CD38: variants seen among roughly 807,000 people sequenced by gnomAD.
CD38 encodes CD38 molecule.
Under a neutral mutation model 36.3 loss-of-function variants are expected in CD38, and 31 were observed. The observed-to-expected ratio is 0.85, with a 90% CI of 0.64 to 1.15. The LOEUF (loss-of-function observed/expected upper bound fraction) is 1.15, where lower values mean the gene tolerates loss of function less well. Among genes scored for constraint, CD38 ranks in the 50% most tolerant of loss-of-function variants. CD38 has a pLI of 0.00. For synonymous variants in CD38, 131 were observed against 135.2 expected, an observed-to-expected ratio of 0.97 and a Z score of 0.22; for missense variants, 380 against 371.9, an observed-to-expected ratio of 1.02 and a Z score of -0.18.
chr4:15,840,465 G>C lies in CD38; in HGVS notation c.766G>C (p.Asp256His), dbSNP rs768378089. Residue 256 changes from aspartate to histidine, a missense_variant, in exon 7 of 8, where the codon GAT (aspartate) becomes CAT (histidine). By Grantham distance (81) the Asp-to-His change is moderately conservative. Coordinates refer to ENST00000226279, the MANE Select transcript of CD38 (RefSeq NM_001775.4). ...GREDSRDLCQ[D>H]PTIKELESII... ...TTTCTTCCCCAGAGACTTATGCCAG[G>C]ATCCCACCATAAAAGAGCTGGAATC... is the stretch of plus-strand genomic sequence containing the variant. The C allele has an allele frequency of 1.2e-6, 2 of 1,601,100 alleles. No homozygotes were observed. The highest frequency in any genetic ancestry group is 4.5e-5 in the East Asian group (2 of 44,784).
At chr4:15,808,392 C>G (rs1723390129) in intron 1 of CD38, among the ~76,000 whole-genome samples, 1 of 152,178 alleles carries the variant, frequency 6.6e-6, no homozygotes. Flanking sequence ...CAGGTGACCA[C>G]CAAGGGTGCT....
At chr4:15,791,587 G>GC (rs1162620642) in intron 1 of CD38, among the ~76,000 whole-genome samples, 1 of 65,196 alleles carries the variant, frequency 1.5e-5, no homozygotes, top group Non-Finnish European at 3.0e-5. Flanking sequence ...GGGGGGGTCA[G>GC]CCCCCCGCCC....
At chr4:15,785,975 C>A (rs906396528) in intron 1 of CD38, among the ~76,000 whole-genome samples, 1 of 152,156 alleles carries the variant, frequency 6.6e-6, no homozygotes, top group African/African-American at 2.4e-5. Context: ...GTGAGTGTTA[C>A]AGCTCTTAAG....
intron 1 of CD38, among the ~76,000 whole-genome samples, chr4:15,800,758 T>C (rs1723203188): frequency 6.6e-6 from 1 of 152,046 alleles, no homozygotes; most frequent in Admixed American, 6.6e-5. Context: ...TAAAAATTGA[T>C]ACACAACATA....
intron 1 of CD38, among the ~76,000 whole-genome samples, chr4:15,783,501 G>A (rs1441601774): frequency 2.0e-5 from 3 of 152,186 alleles, no homozygotes; most frequent in African/African-American, 4.8e-5. Flanking sequence ...CCCAAGACAA[G>A]GTGGGGGCCC....
chr4:15,786,999 G>A lies in CD38; in HGVS notation c.233+8352G>A, dbSNP rs141123631. 4.6e-3 allele frequency among the ~76,000 whole-genome samples: 702 copies of A among 152,278 alleles called. 7 individuals carry two copies. Among genetic ancestry groups the A allele is most frequent in the African/African-American group, 0.016 (670 of 41,502 alleles). On this transcript the variant is annotated intron_variant, in intron 1 of 7. Coordinates refer to ENST00000226279, the MANE Select transcript of CD38 (RefSeq NM_001775.4). ...CTGGGTGCTAAGCCCTTCACTGTCC[G>A]GGGCCTGCTGCGCTCGCCGGCCGCT... is the stretch of plus-strand genomic sequence containing the variant.
At chr4:15,829,125 A>C (rs745578981) in intron 3 of CD38, among the ~76,000 whole-genome samples, 12 of 152,074 alleles carry the variant, frequency 7.9e-5, no homozygotes, top group Non-Finnish European at 1.6e-4. Context: ...TCTTTTGAAA[A>C]ATGTCTATTC....
intron 2 of CD38, among the ~76,000 whole-genome samples, chr4:15,817,216 G>C (rs147436990): frequency 7.6e-4 from 115 of 152,316 alleles, no homozygotes; most frequent in African/African-American, 2.7e-3. Context: ...AAAGTGACCA[G>C]TTTAAATGTA....
rs181156997 is a variant in CD38, at chr4:15,796,146, A to C, written c.233+17499A>C. Among the ~76,000 whole-genome samples the C allele has an allele frequency of 8.3e-3, 1,267 of 152,230 alleles. 3 individuals are homozygous for C. The highest frequency in any genetic ancestry group is 0.014 in the South Asian group (67 of 4,826). On this transcript the variant is annotated intron_variant, in intron 1 of 7. Coordinates refer to ENST00000226279, the MANE Select transcript of CD38 (RefSeq NM_001775.4). The stretch of plus-strand genomic sequence containing the variant: ...TAATAAAGGCAAAGAAGGACTGAAA[A>C]CACCTTGCTGAAACTGAGAGAGATT...
chr4:15,842,132 A>G (rs998209074), intron 7 of CD38, among the ~76,000 whole-genome samples: 2 of 106,798 alleles, frequency 1.9e-5, no homozygotes, highest in Admixed American at 8.9e-5. Context: ...AAAAGACAGC[A>G]GTAACCTCTG....
Position 15,848,614 on chromosome 4 carries a change from T to C in CD38, c.*12T>C. The C allele has an allele frequency of 6.2e-7, 1 of 1,611,738 alleles. No homozygotes were observed. ...CATCTGAGATCTGAGCCAGTCGCTGTGGTTGTTTTAGCTCCTTGACTCCTT... is the reference window on the plus strand; with the variant it reads ...CATCTGAGATCTGAGCCAGTCGCTGCGGTTGTTTTAGCTCCTTGACTCCTT... On this transcript the variant is annotated 3_prime_UTR_variant, in exon 8 of 8. Transcript: ENST00000226279.
In CD38 at chr4:15,794,571, G is replaced by A. The variant is rs150749541; in HGVS notation, c.233+15924G>A. Reference sequence around the variant, plus strand: ...AAGATTGGAAATTGACCAATGGATCGGTGACTTGGCAAGGTCAGTTTGGGA... The same window carrying A: ...AAGATTGGAAATTGACCAATGGATCAGTGACTTGGCAAGGTCAGTTTGGGA... On this transcript the variant is annotated intron_variant, in intron 1 of 7. Transcript: ENST00000226279. Among the ~76,000 whole-genome samples, 982 of 152,252 alleles carry A rather than the reference G, an allele frequency of 6.4e-3. 5 individuals carry two copies. Among genetic ancestry groups the A allele is most frequent in the Non-Finnish European group, 1.0e-2 (678 of 68,012 alleles).
chr4:15,795,284 T>C (rs888508968), intron 1 of CD38, among the ~76,000 whole-genome samples: 13 of 152,032 alleles, frequency 8.6e-5, no homozygotes, highest in Non-Finnish European at 1.6e-4. Context: ...TATTCACAGA[T>C]TTTTGTAGTT....
Position 15,778,741 on chromosome 4 carries a change from C to T in CD38, c.233+94C>T. 1.1e-6 allele frequency: 1 copy of T among 893,752 alleles called. No individual in the cohort carries two copies. The highest frequency in any genetic ancestry group is 1.7e-6 in the Non-Finnish European group (1 of 579,948). The allele number at this position is 893,752 out of a possible 1,614,324, so 55.4% of individuals were successfully genotyped here. ...GCCCGGATCGCCCGGAACCGGGCATCTTCCGTGGCGGGTCAGCCGAGAGCC... is the reference window on the plus strand; with the variant it reads ...GCCCGGATCGCCCGGAACCGGGCATTTTCCGTGGCGGGTCAGCCGAGAGCC... On this transcript the variant is annotated intron_variant, in intron 1 of 7. Transcript: ENST00000226279. The surrounding 1 kb of genome is among the most constrained non-coding windows in gnomAD (Gnocchi z 4.9).
chr4:15,816,806 A>AG, intron 2 of CD38, 166 bp downstream of exon 2: 4 of 702,716 alleles, frequency 5.7e-6, no homozygotes, highest in Non-Finnish European at 1.0e-5. Flanking sequence ...GGGCCATGAT[A>AG]TAATTAAGAT....
At chr4:15,786,469 T>C (rs1212535510) in intron 1 of CD38, among the ~76,000 whole-genome samples, 1 of 152,116 alleles carries the variant, frequency 6.6e-6, no homozygotes, top group African/African-American at 2.4e-5. Context: ...GACATAAAGA[T>C]TCTCTAAGTC....
At chr4:15,829,815 A>G (rs1320392552) in intron 3 of CD38, among the ~76,000 whole-genome samples, 1 of 152,140 alleles carries the variant, frequency 6.6e-6, no homozygotes, top group East Asian at 1.9e-4. Flanking sequence ...GATTTGTTGG[A>G]TGCTAAAATA....
intron 1 of CD38, among the ~76,000 whole-genome samples, chr4:15,815,124 A>G (rs1723564065): frequency 6.6e-6 from 1 of 151,870 alleles, no homozygotes; most frequent in East Asian, 1.9e-4. Flanking sequence ...GTTCTCTTTC[A>G]TTGGTCTATA....
intron 1 of CD38, among the ~76,000 whole-genome samples, chr4:15,802,397 G>A (rs774122556): frequency 2.0e-5 from 3 of 151,890 alleles, no homozygotes; most frequent in South Asian, 2.1e-4. Context: ...AATCTCTATC[G>A]AATTTTCAAT....
Sources: gnomAD v4.1 joint callset for allele counts (sites outside exome capture counted in the v4.1 genomes callset) on GRCh38, gnomAD v4.1.1 for gene constraint, Gnocchi (gnomAD v3.1) non-coding constraint, MANE v1.5 for transcripts, NCBI Gene and HGNC (gene_info 2026-07-23, HGNC 2026-07-21) for gene names.